ASRGL1: variants seen among roughly 807,000 people sequenced by gnomAD.
The protein encoded by ASRGL1 is isoaspartyl peptidase/L-asparaginase.
Under a neutral mutation model 22.4 loss-of-function variants are expected in ASRGL1, and 16 were observed. The ratio of observed to expected loss-of-function variants is 0.71; its 90% CI spans 0.48 to 1.08. The LOEUF is 1.08. Ranked by LOEUF, ASRGL1 falls within the 50% of genes least tolerant of loss-of-function variation. The probability of loss-of-function intolerance (pLI) is 0.00; values close to 1 mark genes in which losing one functional copy is unlikely to be tolerated. For missense variants in ASRGL1, 412 were observed against 410.1 expected (o/e 1.00, Z -0.04); for synonymous variants, 165 against 159.3 (o/e 1.04, Z -0.27).
At chr11:62,360,973 G>A (rs555770624) in intron 4 of ASRGL1, among the ~76,000 whole-genome samples, 41 of 152,210 alleles carry the variant, frequency 2.7e-4, no homozygotes, top group African/African-American at 9.1e-4. Context: ...TCAGTACAGT[G>A]TGTGCAAAAA....
chr11:62,344,182 C>T lies in ASRGL1; in HGVS notation c.190+6015C>T, dbSNP rs1945951250. ...AAGGGCTGGGATTACAGGTGTGAGC[C>T]ACTGCGCTTGGCCTGTCGTTCATAT... On this transcript the variant is annotated intron_variant, in intron 2 of 6. Coordinates refer to ENST00000415229, the MANE Select transcript of ASRGL1 (RefSeq NM_001083926.2). Among the ~76,000 whole-genome samples the T allele has an allele frequency of 2.0e-5, 3 of 152,076 alleles. No individual in the cohort carries two copies. The South Asian group carries it at 6.2e-4, about 31-fold the overall frequency.
Position 62,375,472 on chromosome 11 carries a change from ATATATATATT to A in ASRGL1, c.492-13659_492-13650del, listed in dbSNP as rs1477721845. The stretch of plus-strand genomic sequence containing the variant: ...TATATATATATATATATATATATAT[ATATATATATT>A]TCTTGGAGTAAACATTTTAAATAAA... On this transcript the variant is annotated intron_variant, in intron 4 of 6. Transcript: ENST00000415229. Among the ~76,000 whole-genome samples the A allele has an allele frequency of 2.0e-3, 150 of 74,374 alleles. 4 individuals carry two copies. The highest frequency in any genetic ancestry group is 8.1e-3 in the South Asian group (16 of 1,970). The allele number at this position is 74,374 out of a possible 152,430, so 48.8% of individuals were successfully genotyped here. A position where few individuals can be genotyped will look rare whatever the true frequency, so the allele number is the denominator to read the frequency against.
intron 5 of ASRGL1, among the ~76,000 whole-genome samples, chr11:62,390,816 C>A (rs1947318520): frequency 6.6e-6 from 1 of 152,224 alleles, no homozygotes. Context: ...AAATGTCAAT[C>A]TTCTGTGCTT....
intron 2 of ASRGL1, among the ~76,000 whole-genome samples, chr11:62,352,136 T>C (rs943783595): frequency 3.9e-5 from 6 of 152,096 alleles, no homozygotes; most frequent in African/African-American, 1.2e-4. Context: ...AAGGAAGTAA[T>C]TAAAATTAAG....
chr11:62,391,563 A>G lies in ASRGL1; in HGVS notation c.652A>G (p.Thr218Ala). Residue 218 changes from threonine (T) to alanine (A), a missense_variant, in exon 6 of 7, where the codon ACC becomes GCC. Coordinates refer to ENST00000415229, the MANE Select transcript of ASRGL1 (RefSeq NM_001083926.2). ...CGACAATGACATCGGAGCCGTCTCA[A>G]CCACAGGGCATGGGGAAAGCATCCT... ...YADNDIGAVS[T>A]TGHGESILKV... 6.2e-7 allele frequency: 1 copy of G among 1,612,756 alleles called. No individual in the cohort carries two copies. The highest frequency in any genetic ancestry group is 8.5e-7 in the Non-Finnish European group (1 of 1,179,444).
intron 4 of ASRGL1, among the ~76,000 whole-genome samples, chr11:62,380,987 G>C (rs541779825): frequency 6.6e-6 from 1 of 152,276 alleles, no homozygotes; most frequent in African/African-American, 2.4e-5. Flanking sequence ...GCCCTGCCCT[G>C]TGGTGCTGGA....
chr11:62,355,622 C>CT (rs56828559), intron 2 of ASRGL1, among the ~76,000 whole-genome samples: 36,971 of 131,884 alleles, frequency 0.28, 5,077 homozygotes, highest in South Asian at 0.36. Flanking sequence ...TTTCTAAATT[C>CT]TTTTTTTTTT....
chr11:62,369,664 GC>G (rs1319817463), intron 4 of ASRGL1, among the ~76,000 whole-genome samples: 1 of 152,124 alleles, frequency 6.6e-6, no homozygotes, highest in African/African-American at 2.4e-5. Context: ...ACTGCTGATT[GC>G]CTCAGTTCCT....
chr11:62,340,251 C>CA (rs1372965723), intron 2 of ASRGL1, among the ~76,000 whole-genome samples: 1 of 152,166 alleles, frequency 6.6e-6, no homozygotes, highest in East Asian at 1.9e-4. Context: ...GCCTGGGTGA[C>CA]AGAGTGAGAC....
chr11:62,393,470 C>T (rs1379528218), downstream of ASRGL1: 1 of 152,126 alleles, frequency 6.6e-6, no homozygotes, highest in Non-Finnish European at 1.5e-5. Context: ...GAGCTCCCCC[C>T]TTGGTCTCAG....
intron 4 of ASRGL1, chr11:62,372,558 T>C (rs1946801895): frequency 1.2e-5 from 11 of 912,182 alleles, no homozygotes; most frequent in African/African-American, 1.6e-5. Context: ...CCATCTTCAT[T>C]GAGAAGACAA....
In ASRGL1 at chr11:62,363,155, A is replaced by G. The variant is rs929852443; in HGVS notation, c.491+6011A>G. On this transcript the variant is annotated intron_variant, in intron 4 of 6. Coordinates refer to ENST00000415229, the MANE Select transcript of ASRGL1 (RefSeq NM_001083926.2). ...TCACCATGTTAGCCAGGATGGTCTCAATCTCCTGACCTGATGATCTGCCCA... is the reference window on the plus strand; with the variant it reads ...TCACCATGTTAGCCAGGATGGTCTCGATCTCCTGACCTGATGATCTGCCCA... Among the ~76,000 whole-genome samples the G allele has an allele frequency of 7.9e-5, 12 of 151,454 alleles. No homozygotes were observed. In the South Asian group the frequency reaches 2.5e-3, roughly 32 times the overall value.
At chr11:62,357,410 C>T (rs980249678) in intron 4 of ASRGL1, among the ~76,000 whole-genome samples, 9 of 148,496 alleles carry the variant, frequency 6.1e-5, no homozygotes, top group Admixed American at 3.4e-4. Flanking sequence ...CCACTGCACC[C>T]GGCTCATTTT....
At chr11:62,358,093 G>A (rs1342561822) in intron 4 of ASRGL1, among the ~76,000 whole-genome samples, 1 of 152,226 alleles carries the variant, frequency 6.6e-6, no homozygotes, top group Non-Finnish European at 1.5e-5. Context: ...CCTTGGCCGG[G>A]TGCGGTGGCT....
intron 4 of ASRGL1, among the ~76,000 whole-genome samples, chr11:62,381,524 T>G (rs1947067924): frequency 6.6e-6 from 1 of 152,172 alleles, no homozygotes; most frequent in African/African-American, 2.4e-5. Flanking sequence ...AGTTCTAAAT[T>G]AGCTGCTTTA....
At chr11:62,376,308 G>T (rs1357519696) in intron 4 of ASRGL1, among the ~76,000 whole-genome samples, 6 of 151,910 alleles carry the variant, frequency 3.9e-5, no homozygotes, top group Non-Finnish European at 7.4e-5. Context: ...TGAGTTGATG[G>T]TGCTCGATTG....
chr11:62,360,514 GAA>G (rs1202304904), intron 4 of ASRGL1, among the ~76,000 whole-genome samples: 3 of 151,956 alleles, frequency 2.0e-5, no homozygotes, highest in Admixed American at 6.6e-5. Flanking sequence ...AAGAAAAAAT[GAA>G]AAAGAAAGTA....
intron 4 of ASRGL1, among the ~76,000 whole-genome samples, chr11:62,362,094 C>A (rs1229895949): frequency 6.6e-6 from 1 of 152,098 alleles, no homozygotes; most frequent in Non-Finnish European, 1.5e-5. Flanking sequence ...TACTATGTGA[C>A]ATATACAGCC....
intron 4 of ASRGL1, among the ~76,000 whole-genome samples, chr11:62,363,605 T>C (rs1946537421): frequency 6.6e-6 from 1 of 152,226 alleles, no homozygotes; most frequent in Admixed American, 6.5e-5. Flanking sequence ...ATGATCAAGT[T>C]AAAAATTTTA....
Sources: gnomAD v4.1 joint callset for allele counts (sites outside exome capture counted in the v4.1 genomes callset) on GRCh38, gnomAD v4.1.1 for gene constraint, MANE v1.5 for transcripts, NCBI Gene and HGNC (gene_info 2026-07-23, HGNC 2026-07-21) for gene names.